HERC1: variants seen among roughly 807,000 people sequenced by gnomAD.
HERC1 encodes the protein HECT and RLD domain containing E3 ubiquitin protein ligase family member 1, also known as probable E3 ubiquitin-protein ligase HERC1.
HERC1 carries 160 observed loss-of-function variants against 554.3 expected under a neutral mutation model. The observed-to-expected ratio is 0.29, with a 90% CI of 0.25 to 0.33. The LOEUF is 0.33. Ranked by LOEUF, HERC1 falls within the 10% of genes least tolerant of loss-of-function variation. HERC1 has a pLI of 1.00. For missense variants in HERC1, 4,919 were observed against 5,918.5 expected (o/e 0.83, Z 5.54); for synonymous variants, 2,175 against 2,131.7 (o/e 1.02, Z -0.56).
At chr15:63,638,690 G>A (rs1311717677) in intron 62 of HERC1, 21 bp downstream of exon 62, 1 of 1,603,816 alleles carries the variant, frequency 6.2e-7, no homozygotes, top group Non-Finnish European at 8.5e-7. Flanking sequence ...CCATCATACA[G>A]TTATCTTCAT....
At chr15:63,675,680 T>C (rs765255166) in intron 37 of HERC1, among the ~76,000 whole-genome samples, 1 of 152,212 alleles carries the variant, frequency 6.6e-6, no homozygotes, top group Non-Finnish European at 1.5e-5. Context: ...AATGCCTCTA[T>C]AGTTTAAGCC....
intron 1 of HERC1, among the ~76,000 whole-genome samples, chr15:63,793,337 C>T (rs2076710448): frequency 1.3e-5 from 2 of 152,194 alleles, no homozygotes; most frequent in Non-Finnish European, 2.9e-5. Flanking sequence ...ACCAAGATGG[C>T]CACGAAAGTG....
intron 23 of HERC1, 24 bp from the exon 24 acceptor site, chr15:63,712,919 A>G: frequency 6.3e-7 from 1 of 1,599,628 alleles, no homozygotes; most frequent in Non-Finnish European, 8.5e-7. Flanking sequence ...ACAAAAAAAA[A>G]AGTTTTTTGA....
At chr15:63,792,443 AAC>A (rs528972512) in intron 1 of HERC1, among the ~76,000 whole-genome samples, 1,599 of 152,310 alleles carry the variant, frequency 0.01, 18 homozygotes, top group Non-Finnish European at 0.016. Flanking sequence ...GACTTTTCAA[AAC>A]CCTTTCCAGA....
intron 38 of HERC1, 44 bp downstream of exon 38, chr15:63,674,298 C>T (rs1215736116): frequency 6.8e-7 from 1 of 1,467,508 alleles, no homozygotes; most frequent in Admixed American, 2.3e-5. Context: ...TGAAAATAAT[C>T]TCAACAGCAC....
In HERC1 at chr15:63,817,917, T is replaced by C. The variant is rs530607920; in HGVS notation, c.-27+15910A>G. ...TAAAAAGATAAGAAAAAATGCTGTA[T>C]GGGAATTGAATTATCATAGTATCTA... On this transcript the variant is annotated intron_variant, in intron 1 of 77. Coordinates refer to ENST00000443617, the MANE Select transcript of HERC1 (RefSeq NM_003922.4). Among the ~76,000 whole-genome samples the C allele has an allele frequency of 1.3e-4, 20 of 152,102 alleles. No homozygotes were observed. The East Asian group carries it at 3.1e-3, about 23-fold the overall frequency.
chr15:63,753,294 TTCAAGCAATTAAAA>T (rs2075311423), intron 7 of HERC1, among the ~76,000 whole-genome samples: 1 of 152,312 alleles, frequency 6.6e-6, no homozygotes, highest in East Asian at 1.9e-4. Flanking sequence ...ATATCTTAAT[TTCAAGCAATTAAAA>T]TCAAGCAATT....
In HERC1 at chr15:63,609,211, G is replaced by C; in HGVS notation, c.14456C>G (p.Pro4819Arg). 1 of 1,613,496 alleles carries C rather than the reference G, an allele frequency of 6.2e-7. No homozygotes were observed. The change falls in exon 78 of 78, where the codon CCG becomes CGG. Residue 4819 changes from proline to arginine, a missense_variant. By Grantham distance (103) the Pro-to-Arg change is moderately radical. Around this residue, in one of 11 missense-constraint regions of HERC1, gnomAD observed 71 missense variants for 101.4 expected, o/e 0.70. Transcript: ENST00000443617. ...QTCFFQLRLP[P>R]YSSQLVMAER... is the part of the protein sequence containing the mutation. ...GGCCATGACCAGCTGGCTGGAGTACGGGGGCAGCCTCAGCTGGAAGAAGCA... is the reference window on the plus strand; with the variant it reads ...GGCCATGACCAGCTGGCTGGAGTACCGGGGCAGCCTCAGCTGGAAGAAGCA...
intron 12 of HERC1, among the ~76,000 whole-genome samples, chr15:63,737,784 TAG>T (rs1237323094): frequency 6.6e-6 from 1 of 151,842 alleles, no homozygotes; most frequent in African/African-American, 2.4e-5. Context: ...ATATAGCATC[TAG>T]AGAGAAAAAC....
chr15:63,635,576 A>G (rs1240801100), intron 65 of HERC1, among the ~76,000 whole-genome samples: 2 of 152,248 alleles, frequency 1.3e-5, no homozygotes, highest in Non-Finnish European at 2.9e-5. Context: ...TATTTTCCAG[A>G]AAATGCATGT....
rs140819055 is a variant in HERC1 at position 63,718,121 on chromosome 15, C to CACACATACACAT, written c.3978+452_3978+453insATGTGTATGTGT. Among the ~76,000 whole-genome samples the CACACATACACAT allele has an allele frequency of 1.4e-5, 2 of 142,970 alleles. No homozygotes were observed. Among genetic ancestry groups the CACACATACACAT allele is most frequent in the Non-Finnish European group, 3.1e-5 (2 of 65,130 alleles). 93.8% of individuals were successfully genotyped at this position (142,970 alleles called of 152,430 possible). ...ACACACACACACACACACACACACACACAACCCCCTCCTTGGTTTTCACTT... is the reference window on the plus strand; with the variant it reads ...ACACACACACACACACACACACACACACACATACACATACAACCCCCTCCTTGGTTTTCACTT... On this transcript the variant is annotated intron_variant, in intron 21 of 77. Transcript: ENST00000443617. This position sits in a 1 kb window ranked among gnomAD's most constrained non-coding sequence, Gnocchi z 4.2.
Position 63,674,901 on chromosome 15 carries a change from C to A in HERC1, c.7287G>T (p.Glu2429Asp), listed in dbSNP as rs754806172. 2.5e-6 allele frequency: 4 copies of A among 1,613,926 alleles called. No individual in the cohort carries two copies. The Admixed American group carries it at 5.0e-5, about 20-fold the overall frequency. The change falls in exon 38 of 78, where the codon GAG becomes GAT. Residue 2429 changes from glutamate to aspartate, a missense_variant. Around this residue, in one of 11 missense-constraint regions of HERC1, gnomAD observed 1,963 missense variants for 2,228.6 expected, o/e 0.88. Coordinates refer to ENST00000443617, the MANE Select transcript of HERC1 (RefSeq NM_003922.4). ...AAGCGGATTCACTCTCAGGTTTCTG[C>A]TCAACATCCCCTTTCTCCTCGGATT... ...RHESEEKGDV[E>D]QKPESESALD...
intron 34 of HERC1, 146 bp downstream of exon 34, chr15:63,686,213 T>G (rs548993296): frequency 1.4e-5 from 8 of 573,332 alleles, no homozygotes; most frequent in Non-Finnish European, 2.1e-5. Context: ...ATCCTTCACT[T>G]GGTTTCCATT....
intron 33 of HERC1, 38 bp from the exon 34 acceptor site, chr15:63,686,573 T>A (rs2071774401): frequency 1.9e-6 from 3 of 1,569,916 alleles, no homozygotes; most frequent in Non-Finnish European, 2.6e-6. Context: ...TTTGGAATAA[T>A]CCATGTCTCA....
Position 63,696,189 on chromosome 15 carries a change from A to G in HERC1, c.5056T>C (p.Phe1686Leu). ...SVRLQFLAGC[F>L]GLGTVGHTGG... Reference sequence around the variant, plus strand: ...GTGTGTCCAACAGTGCCTAAACCAAAACACCCTGCTAGGAACTGCAGCCTC... The same window carrying G: ...GTGTGTCCAACAGTGCCTAAACCAAGACACCCTGCTAGGAACTGCAGCCTC... Residue 1686 changes from phenylalanine (F) to leucine (L), a missense_variant, in exon 27 of 78, where the codon TTT (phenylalanine) becomes CTT (leucine). Phe to Leu is a conservative substitution (Grantham distance 22, BLOSUM62 0). Coordinates refer to ENST00000443617, the MANE Select transcript of HERC1 (RefSeq NM_003922.4). The G allele has an allele frequency of 6.2e-7, 1 of 1,613,640 alleles. No individual in the cohort carries two copies.
At chr15:63,664,987 T>C (rs2070545743) in intron 42 of HERC1, among the ~76,000 whole-genome samples, 1 of 152,216 alleles carries the variant, frequency 6.6e-6, no homozygotes, top group South Asian at 2.1e-4. Context: ...TGGAAAAAGC[T>C]TGCATGCCAT....
chr15:63,645,404 T>C (rs1177146064), intron 56 of HERC1, 79 bp downstream of exon 56: 3 of 1,057,022 alleles, frequency 2.8e-6, no homozygotes, highest in African/African-American at 3.2e-5. Context: ...TTAAGACTAC[T>C]GAGAAGCCAC....
At chr15:63,816,247 G>T (rs1360761556) in intron 1 of HERC1, among the ~76,000 whole-genome samples, 1 of 152,192 alleles carries the variant, frequency 6.6e-6, no homozygotes, top group Admixed American at 6.5e-5. Flanking sequence ...ATGTTAATAT[G>T]TACTTGACAT....
At chr15:63,833,753 G>GCGCGCGCACACACACACACACACACACA in intron 1 of HERC1, 74 bp downstream of exon 1, 2 of 46,496 alleles carry the variant, frequency 4.3e-5, no homozygotes, top group African/African-American at 1.1e-4. Flanking sequence ...ACGCGCGCGC[G>GCGCGCGCACACACACACACACACACACA]CACACACACA....
Sources: gnomAD v4.1 joint callset for allele counts (sites outside exome capture counted in the v4.1 genomes callset) on GRCh38, gnomAD v4.1.1 for gene constraint, gnomAD v4.1.1 regional missense constraint, Gnocchi (gnomAD v3.1) non-coding constraint, MANE v1.5 for transcripts, NCBI Gene and HGNC (gene_info 2026-07-23, HGNC 2026-07-21) for gene names.